Variants in MMP16 observed in about 807,000 individuals in gnomAD.
The protein encoded by MMP16 is matrix metalloproteinase-16.
In MMP16, 12 loss-of-function variants were observed where a neutral mutation model predicts 67.8. That is an observed-to-expected ratio of 0.18 (90% CI 0.11 to 0.29). The LOEUF is 0.29. Among genes scored for constraint, MMP16 ranks in the 10% least tolerant of loss-of-function variants. The pLI, the probability that MMP16 is intolerant of heterozygous loss-of-function variation, is 1.00. For synonymous variants in MMP16, 249 were observed against 255.9 expected, an observed-to-expected ratio of 0.97 and a Z score of 0.26; for missense variants, 475 against 765.7, an observed-to-expected ratio of 0.62 and a Z score of 4.48.
chr8:88,189,983 A>G (rs1809142348), intron 2 of MMP16, among the ~76,000 whole-genome samples: 1 of 152,206 alleles, frequency 6.6e-6, no homozygotes, highest in Non-Finnish European at 1.5e-5. Flanking sequence ...TTTTGCATAT[A>G]CTGATCATTT....
chr8:88,103,607 C>T (rs1809182681), intron 6 of MMP16, among the ~76,000 whole-genome samples: 1 of 151,722 alleles, frequency 6.6e-6, no homozygotes, highest in Admixed American at 6.6e-5. Flanking sequence ...TGCTGAATTT[C>T]CTTGAGATCT....
chr8:88,096,676 T>C (rs1809032303), intron 6 of MMP16, among the ~76,000 whole-genome samples: 1 of 151,916 alleles, frequency 6.6e-6, no homozygotes, highest in Non-Finnish European at 1.5e-5. Flanking sequence ...GGAAGATTGA[T>C]TAGAAGTCTT....
In MMP16 at chr8:88,287,400, G is replaced by C. The variant is rs536662195; in HGVS notation, c.132+39675C>G. On this transcript the variant is annotated intron_variant, in intron 1 of 9. Transcript: ENST00000286614. Reference sequence around the variant, plus strand: ...AAGGCAAATCAAATGTCACTTGTTAGGAGAAACTTGCCACTGCTAGATCAA... The same window carrying C: ...AAGGCAAATCAAATGTCACTTGTTACGAGAAACTTGCCACTGCTAGATCAA... Among the ~76,000 whole-genome samples the C allele has an allele frequency of 2.0e-5, 3 of 152,264 alleles. No individual in the cohort carries two copies. The East Asian group carries it at 5.8e-4, about 29-fold the overall frequency.
At chr8:88,174,243 A>G (rs1808849244) in intron 3 of MMP16, among the ~76,000 whole-genome samples, 2 of 152,230 alleles carry the variant, frequency 1.3e-5, no homozygotes, top group Admixed American at 6.5e-5. Context: ...ACTCATATTC[A>G]TCTGGCAATT....
At chr8:88,218,584 T>C (rs1362419608) in intron 1 of MMP16, among the ~76,000 whole-genome samples, 1 of 152,088 alleles carries the variant, frequency 6.6e-6, no homozygotes, top group Non-Finnish European at 1.5e-5. Context: ...CAAAACATCA[T>C]GTTGCATACC....
intron 7 of MMP16, among the ~76,000 whole-genome samples, chr8:88,074,311 C>CAAAT (rs1213574685): frequency 1.3e-5 from 2 of 152,002 alleles, no homozygotes; most frequent in African/African-American, 2.4e-5. Context: ...AACAAACAAA[C>CAAAT]CTTTAGTCAG....
At chr8:88,267,763 T>C (rs1289218779) in intron 1 of MMP16, among the ~76,000 whole-genome samples, 2 of 152,180 alleles carry the variant, frequency 1.3e-5, no homozygotes, top group Admixed American at 1.3e-4. Flanking sequence ...CAAATTTGAG[T>C]ATTCTCATAA....
chr8:88,135,279 TCA>T (rs1428556154), intron 4 of MMP16, among the ~76,000 whole-genome samples: 4 of 151,750 alleles, frequency 2.6e-5, no homozygotes, highest in Admixed American at 2.6e-4. Flanking sequence ...TAGCTAAAAA[TCA>T]CAGAGATATC....
At chr8:88,187,181 TGATA>T (rs1484489723) in intron 2 of MMP16, among the ~76,000 whole-genome samples, 1 of 152,216 alleles carries the variant, frequency 6.6e-6, no homozygotes, top group Non-Finnish European at 1.5e-5. Flanking sequence ...TTTGAATATT[TGATA>T]AATAACCAAA....
intron 4 of MMP16, among the ~76,000 whole-genome samples, chr8:88,158,905 C>A (rs1230277489): frequency 6.6e-6 from 1 of 152,158 alleles, no homozygotes; most frequent in Non-Finnish European, 1.5e-5. Flanking sequence ...TTTCCCAGCA[C>A]CATTTATTAA....
intron 8 of MMP16, among the ~76,000 whole-genome samples, chr8:88,052,649 C>A (rs1039529253): frequency 6.6e-6 from 1 of 152,194 alleles, no homozygotes; most frequent in African/African-American, 2.4e-5. Flanking sequence ...CCTGTGAAAT[C>A]TGGTCCCTAT....
chr8:88,196,737 A>G (rs571439228), intron 2 of MMP16, among the ~76,000 whole-genome samples: 2 of 152,060 alleles, frequency 1.3e-5, no homozygotes, highest in South Asian at 2.1e-4. Flanking sequence ...GTTGTTTCCT[A>G]GTTTCCAGGG....
chr8:88,204,569 T>A (rs952711503), intron 1 of MMP16, among the ~76,000 whole-genome samples: 1 of 152,004 alleles, frequency 6.6e-6, no homozygotes, highest in Non-Finnish European at 1.5e-5. Context: ...AAAATAAAAA[T>A]TATTTTAAAA....
chr8:88,191,542 A>G (rs1048652295), intron 2 of MMP16, among the ~76,000 whole-genome samples: 1 of 152,124 alleles, frequency 6.6e-6, no homozygotes, highest in African/African-American at 2.4e-5. Context: ...TATATATGTT[A>G]TTTAAAACAG....
intron 1 of MMP16, among the ~76,000 whole-genome samples, chr8:88,237,371 C>T (rs930913430): frequency 4.6e-5 from 7 of 152,094 alleles, no homozygotes; most frequent in Non-Finnish European, 8.8e-5. Context: ...GCATCTTGGC[C>T]GGGCGCGGTG....
intron 1 of MMP16, among the ~76,000 whole-genome samples, chr8:88,247,488 G>T (rs1274986319): frequency 1.3e-5 from 2 of 152,088 alleles, no homozygotes; most frequent in South Asian, 4.2e-4. Flanking sequence ...AGCACTAGTT[G>T]TTCCTGTGCA....
intron 6 of MMP16, among the ~76,000 whole-genome samples, chr8:88,081,917 A>AATC (rs1457183812): frequency 2.4e-4 from 37 of 152,264 alleles, no homozygotes; most frequent in African/African-American, 8.7e-4. Context: ...TTAAAAAACA[A>AATC]CCATATTATA....
intron 1 of MMP16, among the ~76,000 whole-genome samples, chr8:88,217,950 T>C (rs1463033675): frequency 1.3e-5 from 2 of 152,054 alleles, no homozygotes; most frequent in Non-Finnish European, 2.9e-5. Flanking sequence ...CACTGCACCT[T>C]GGTTCTTTAG....
intron 1 of MMP16, among the ~76,000 whole-genome samples, chr8:88,268,348 G>T (rs906212702): frequency 5.3e-5 from 8 of 151,952 alleles, no homozygotes; most frequent in African/African-American, 1.9e-4. Flanking sequence ...GTCTCAAAAA[G>T]AAAACCAAAA....
Sources: gnomAD v4.1 joint callset for allele counts (sites outside exome capture counted in the v4.1 genomes callset) on GRCh38, gnomAD v4.1.1 for gene constraint, MANE v1.5 for transcripts, NCBI Gene and HGNC (gene_info 2026-07-23, HGNC 2026-07-21) for gene names.